The following LIPK variants were observed in gnomAD, a reference collection of about 807,000 sequenced individuals.
LIPK encodes lipase family member K.
LIPK carries 32 observed loss-of-function variants against 48.6 expected under a neutral mutation model. The observed-to-expected ratio is 0.66, with a 90% CI of 0.50 to 0.88. The LOEUF is 0.88. LIPK is among the 40% of genes least tolerant of loss of function. LIPK has a pLI of 0.00. For synonymous variants in LIPK, 164 were observed against 157.4 expected (o/e 1.04, Z -0.32); for missense variants, 507 against 478.5 (o/e 1.06, Z -0.56).
Position 88,752,665 on chromosome 10 carries a change from AC to A in LIPK, c.1110del (p.Tyr370Ter). On this transcript the variant is annotated frameshift_variant, in exon 10 of 10. Transcript: ENST00000404190. LOFTEE classifies it high-confidence loss of function. ...ATTTATTACAAGCTGATTCCACACTACAATCATGTGGATTTTTACCTTGGAG... is the reference window on the plus strand; with the variant it reads ...ATTTATTACAAGCTGATTCCACACTAAATCATGTGGATTTTTACCTTGGAG... ...NLIYYKLIPHYNHVDFYLGED... is the reference protein window; with the variant it reads ...NLIYYKLIPHXNHVDFYLGED... 1 of 1,577,190 alleles carries A rather than the reference AC, an allele frequency of 6.3e-7. No individual in the cohort carries two copies. The highest frequency in any genetic ancestry group is 8.6e-7 in the Non-Finnish European group (1 of 1,159,252).
chr10:88,727,032 A>G, intron 3 of LIPK, 120 bp downstream of exon 3: 1 of 675,428 alleles, frequency 1.5e-6, no homozygotes, highest in South Asian at 1.7e-5. Flanking sequence ...TAAAGGAGAA[A>G]AATTATCGCC....
chr10:88,715,172 G>C (rs1211812445), intron 1 of LIPK, among the ~76,000 whole-genome samples: 1 of 151,916 alleles, frequency 6.6e-6, no homozygotes, highest in African/African-American at 2.4e-5. Context: ...GTGCTGTTCA[G>C]GTTTTCTATA....
At chr10:88,732,328 C>T (rs566702876) in intron 5 of LIPK, 41 bp downstream of exon 5, 8 of 1,595,948 alleles carry the variant, frequency 5.0e-6, no homozygotes, top group African/African-American at 2.7e-5. Flanking sequence ...GTCAGGGGCT[C>T]TTCTTCCATA....
At chr10:88,742,844 A>T (rs1842703823) in intron 8 of LIPK, among the ~76,000 whole-genome samples, 1 of 152,242 alleles carries the variant, frequency 6.6e-6, no homozygotes, top group African/African-American at 2.4e-5. Flanking sequence ...AAAGTTGTAT[A>T]ATAACAATAG....
chr10:88,750,825 A>C (rs1364835957), intron 9 of LIPK, among the ~76,000 whole-genome samples: 3 of 152,180 alleles, frequency 2.0e-5, no homozygotes, highest in Admixed American at 6.5e-5. Flanking sequence ...GGGGAAAAAA[A>C]TCAACCAGAA....
Position 88,721,175 on chromosome 10 carries a change from A to T in LIPK, c.-11-3358A>T, listed in dbSNP as rs1005738037. Among the ~76,000 whole-genome samples the T allele has an allele frequency of 6.6e-5, 10 of 152,258 alleles. 1 individual carries two copies. Among genetic ancestry groups the T allele is most frequent in the African/African-American group, 2.4e-4 (10 of 41,572 alleles). Reference sequence around the variant, plus strand: ...ATGAAACAGGATATAAGGATATATGATATTATATAGAATATAAGGATATAT... The same window carrying T: ...ATGAAACAGGATATAAGGATATATGTTATTATATAGAATATAAGGATATAT... On this transcript the variant is annotated intron_variant, in intron 1 of 9. Coordinates refer to ENST00000404190, the MANE Select transcript of LIPK (RefSeq NM_001080518.2).
intron 1 of LIPK, among the ~76,000 whole-genome samples, chr10:88,716,826 G>A (rs563986001): frequency 9.7e-4 from 148 of 152,190 alleles, no homozygotes; most frequent in Admixed American, 2.3e-3. Context: ...AAGGCTTGAG[G>A]GAATATGGAA....
At chr10:88,744,144 G>A (rs2134781114) in intron 9 of LIPK, among the ~76,000 whole-genome samples, 1 of 152,280 alleles carries the variant, frequency 6.6e-6, no homozygotes, top group East Asian at 1.9e-4. Context: ...CCTGTCTGCT[G>A]GCCTTTCTCA....
chr10:88,746,791 A>G (rs1007303130), intron 9 of LIPK, among the ~76,000 whole-genome samples: 8 of 152,300 alleles, frequency 5.3e-5, no homozygotes, highest in African/African-American at 1.7e-4. Flanking sequence ...TGAAACTGAG[A>G]TGCAAAGAAA....
At chr10:88,745,328 C>A (rs1842748099) in intron 9 of LIPK, among the ~76,000 whole-genome samples, 1 of 152,066 alleles carries the variant, frequency 6.6e-6, no homozygotes. Flanking sequence ...GACACATAGT[C>A]ATCAGATTCT....
chr10:88,740,107 T>G, intron 8 of LIPK, 40 bp downstream of exon 8: 1 of 1,506,834 alleles, frequency 6.6e-7, no homozygotes, highest in Non-Finnish European at 9.2e-7. Flanking sequence ...CACATATCTC[T>G]GCAAGACCCT....
chr10:88,741,045 G>T (rs537782803), intron 8 of LIPK, among the ~76,000 whole-genome samples: 2 of 152,152 alleles, frequency 1.3e-5, no homozygotes, highest in East Asian at 3.9e-4. Flanking sequence ...TGGCCTTCCA[G>T]GTACTACACA....
chr10:88,726,561 A>C (rs441719), intron 2 of LIPK, among the ~76,000 whole-genome samples: 1 of 152,006 alleles, frequency 6.6e-6, no homozygotes, highest in African/African-American at 2.4e-5. Flanking sequence ...GGCCATTGGG[A>C]CAGGTGCCTT....
Position 88,721,781 on chromosome 10 carries a change from C to G in LIPK, c.-11-2752C>G, listed in dbSNP as rs1842230550. ...TGATTCAGAGGCCTCAAAACGCCAG[C>G]CACTCAGCAGAAATGAGACCATGTT... is the stretch of plus-strand genomic sequence containing the variant. On this transcript the variant is annotated intron_variant, in intron 1 of 9. Coordinates refer to ENST00000404190, the MANE Select transcript of LIPK (RefSeq NM_001080518.2). Among the ~76,000 whole-genome samples, 3 of 152,178 alleles carry G rather than the reference C, an allele frequency of 2.0e-5. No homozygotes were observed. The South Asian group carries it at 6.2e-4, about 32-fold the overall frequency.
At chr10:88,741,108 C>G (rs1329451484) in intron 8 of LIPK, among the ~76,000 whole-genome samples, 2 of 152,192 alleles carry the variant, frequency 1.3e-5, no homozygotes, top group African/African-American at 4.8e-5. Flanking sequence ...GCTGCTCATA[C>G]ATATGATTTT....
intron 1 of LIPK, among the ~76,000 whole-genome samples, chr10:88,710,626 G>A (rs141294687): frequency 3.3e-5 from 5 of 152,002 alleles, no homozygotes; most frequent in East Asian, 1.9e-4. Context: ...TTTTTCATTC[G>A]GCATAACGTT....
intron 1 of LIPK, among the ~76,000 whole-genome samples, chr10:88,716,861 T>G (rs1842129030): frequency 7.7e-6 from 1 of 129,832 alleles, no homozygotes; most frequent in Non-Finnish European, 1.6e-5. Context: ...GTGGGATGTA[T>G]GGATTTGGAT....
At chr10:88,720,685 G>A (rs1307542478) in intron 1 of LIPK, among the ~76,000 whole-genome samples, 3 of 148,946 alleles carry the variant, frequency 2.0e-5, no homozygotes, top group Non-Finnish European at 3.0e-5. Context: ...GTATGTGTGT[G>A]TGTAGTCTGA....
At chr10:88,714,578 G>T (rs1294803798) in intron 1 of LIPK, among the ~76,000 whole-genome samples, 1 of 152,120 alleles carries the variant, frequency 6.6e-6, no homozygotes, top group Non-Finnish European at 1.5e-5. Context: ...TTTTAAAGTA[G>T]ATATAGAAAT....
Sources: gnomAD v4.1 joint callset for allele counts (sites outside exome capture counted in the v4.1 genomes callset) on GRCh38, gnomAD v4.1.1 for gene constraint, MANE v1.5 for transcripts, NCBI Gene and HGNC (gene_info 2026-07-23, HGNC 2026-07-21) for gene names.